The following NALF1 variants were observed in gnomAD, a reference collection of about 807,000 sequenced individuals.
The protein encoded by NALF1 is family with sequence similarity 155 member A.
In NALF1, 3 loss-of-function variants were observed where a neutral mutation model predicts 48.4. The ratio of observed to expected loss-of-function variants is 0.06; its 90% CI spans 0.03 to 0.16. The LOEUF (loss-of-function observed/expected upper bound fraction) is 0.16. Ranked by LOEUF, NALF1 falls within the 10% of genes least tolerant of loss-of-function variation. The pLI is 1.00. For synonymous variants in NALF1, 262 were observed against 245.7 expected (o/e 1.07, Z -0.62); for missense variants, 526 against 571.5 (o/e 0.92, Z 0.81).
chr13:107,564,869 C>A (rs769051118), intron 1 of NALF1, among the ~76,000 whole-genome samples: 3 of 151,878 alleles, frequency 2.0e-5, no homozygotes, highest in Non-Finnish European at 4.4e-5. Flanking sequence ...GGACCTCAGC[C>A]CAAATTCCCC....
intron 1 of NALF1, among the ~76,000 whole-genome samples, chr13:107,330,955 A>T (rs1175412912): frequency 6.6e-6 from 1 of 152,188 alleles, no homozygotes; most frequent in Admixed American, 6.5e-5. Context: ...ATGACTTTTT[A>T]AAATAGTTGA....
chr13:107,379,252 G>C (rs1351553854), intron 1 of NALF1, among the ~76,000 whole-genome samples: 1 of 152,108 alleles, frequency 6.6e-6, no homozygotes, highest in South Asian at 2.1e-4. Flanking sequence ...GTTGTAGGCT[G>C]TTAATTAATT....
intron 2 of NALF1, among the ~76,000 whole-genome samples, chr13:107,195,865 A>G (rs1004328015): frequency 4.6e-5 from 7 of 152,198 alleles, no homozygotes; most frequent in African/African-American, 1.7e-4. Context: ...TCTCCCTAGA[A>G]CAGCAAGTCT....
intron 1 of NALF1, among the ~76,000 whole-genome samples, chr13:107,759,725 G>C (rs759996896): frequency 6.6e-6 from 1 of 150,894 alleles, no homozygotes; most frequent in Non-Finnish European, 1.5e-5. Flanking sequence ...CATCCTCTCT[G>C]TTTGGAGCCT....
rs1360141646 is a variant in NALF1 at position 107,167,149 on chromosome 13, C to T, written c.*3348G>A. ...AGAATAATAAACAGGGAAATCTATG[C>T]CATACATTTATGAAACAAATATTGT... On this transcript the variant is annotated 3_prime_UTR_variant, in exon 3 of 3. Coordinates refer to ENST00000375915, the MANE Select transcript of NALF1 (RefSeq NM_001080396.3). The T allele has an allele frequency of 6.6e-6, 1 of 152,096 alleles. No individual in the cohort carries two copies. The highest frequency in any genetic ancestry group is 1.5e-5 in the Non-Finnish European group (1 of 68,016). The allele number at this position is 152,096 out of a possible 1,614,324, so 9.4% of individuals were successfully genotyped here.
rs886742890 is a variant in NALF1, at chr13:107,361,359, G to A, written c.916-150604C>T. On this transcript the variant is annotated intron_variant, in intron 1 of 2. Transcript: ENST00000375915. ...TGGCTCAGGAAATAGTAAGTAACAG[G>A]TAACTGGAAATTTGGCTCTGTTGCT... 3.9e-5 allele frequency among the ~76,000 whole-genome samples: 6 copies of A among 152,146 alleles called. No homozygotes were observed. The East Asian group carries it at 1.2e-3, about 29-fold the overall frequency.
chr13:107,778,482 G>C (rs976191635), intron 1 of NALF1, among the ~76,000 whole-genome samples: 1 of 152,176 alleles, frequency 6.6e-6, no homozygotes. Flanking sequence ...AGACCTGTAT[G>C]TGGAACTGGA....
chr13:107,175,008 C>G (rs934895537), intron 2 of NALF1, among the ~76,000 whole-genome samples: 1 of 144,630 alleles, frequency 6.9e-6, no homozygotes, highest in Non-Finnish European at 1.5e-5. Flanking sequence ...CTCAGCCTCC[C>G]GAGTAGCTGG....
Position 107,779,716 on chromosome 13 carries a change from GTTAA to G in NALF1, c.915+85962_915+85965del, listed in dbSNP as rs1186593576. On this transcript the variant is annotated intron_variant, in intron 1 of 2. Coordinates refer to ENST00000375915, the MANE Select transcript of NALF1 (RefSeq NM_001080396.3). ...CTGAGATCTCTACACAGTTGGATGA[GTTAA>G]TTAATACTTTGAAGTTTCCCATTGA... Among the ~76,000 whole-genome samples, 15 of 152,328 alleles carry G rather than the reference GTTAA, an allele frequency of 9.8e-5. No individual in the cohort carries two copies. In the South Asian group the frequency reaches 2.9e-3, roughly 29 times the overall value.
chr13:107,799,743 A>C (rs914747395), intron 1 of NALF1, among the ~76,000 whole-genome samples: 1 of 152,204 alleles, frequency 6.6e-6, no homozygotes, highest in Non-Finnish European at 1.5e-5. Context: ...AAGTGTGTTA[A>C]GATTAGGTCA....
At chr13:107,421,260 T>TGGAAAGC (rs1198551287) in intron 1 of NALF1, among the ~76,000 whole-genome samples, 6 of 152,156 alleles carry the variant, frequency 3.9e-5, no homozygotes, top group African/African-American at 1.4e-4. Context: ...CCAGATTTGT[T>TGGAAAGC]CTGCACTTTC....
At chr13:107,508,880 C>T (rs186327100) in intron 1 of NALF1, among the ~76,000 whole-genome samples, 6 of 152,034 alleles carry the variant, frequency 3.9e-5, no homozygotes, top group African/African-American at 1.2e-4. Context: ...GAAAATACTA[C>T]GCTTTCCCTG....
rs1884691138 is a variant in NALF1, at chr13:107,448,730, G to T, written c.916-237975C>A. ...CACGCACCCATATTTGTATATAGAAGTAGCCTTGGAATTGCCTTTGAAAGT... is the reference window on the plus strand; with the variant it reads ...CACGCACCCATATTTGTATATAGAATTAGCCTTGGAATTGCCTTTGAAAGT... On this transcript the variant is annotated intron_variant, in intron 1 of 2. Transcript: ENST00000375915. Among the ~76,000 whole-genome samples the T allele has an allele frequency of 2.6e-5, 4 of 152,286 alleles. No homozygotes were observed. The South Asian group carries it at 6.2e-4, about 24-fold the overall frequency.
chr13:107,385,370 C>T (rs112314526), intron 1 of NALF1, among the ~76,000 whole-genome samples: 3,748 of 151,828 alleles, frequency 0.025, 150 homozygotes, highest in African/African-American at 0.086. Flanking sequence ...CTGGCCAACA[C>T]GGCAAAACTC....
intron 1 of NALF1, among the ~76,000 whole-genome samples, chr13:107,730,226 C>T (rs1313480145): frequency 6.6e-6 from 1 of 152,180 alleles, no homozygotes; most frequent in Admixed American, 6.5e-5. Context: ...AAAGTGATTT[C>T]TTTTCCCAGA....
At chr13:107,859,914 C>CAAAAAAAAAAAAAAAAAAAAAAAAAAA (rs778833499) in intron 1 of NALF1, among the ~76,000 whole-genome samples, 1 of 66,494 alleles carries the variant, frequency 1.5e-5, no homozygotes, top group African/African-American at 6.1e-5. Flanking sequence ...AACTCCAACT[C>CAAAAAAAAAAAAAAAAAAAAAAAAAAA]AAAAAAAAAA....
chr13:107,443,398 G>A (rs1158174348), intron 1 of NALF1, among the ~76,000 whole-genome samples: 1 of 152,064 alleles, frequency 6.6e-6, no homozygotes, highest in Admixed American at 6.6e-5. Flanking sequence ...TGTATTTTTA[G>A]TAGAGGCAGA....
chr13:107,258,556 CTG>C (rs1248198620), intron 1 of NALF1, among the ~76,000 whole-genome samples: 1 of 152,146 alleles, frequency 6.6e-6, no homozygotes, highest in Non-Finnish European at 1.5e-5. Context: ...CACAACCTAA[CTG>C]TGTAAATACA....
At chr13:107,718,326 C>T (rs974943740) in intron 1 of NALF1, among the ~76,000 whole-genome samples, 5 of 152,264 alleles carry the variant, frequency 3.3e-5, no homozygotes, top group East Asian at 1.9e-4. Flanking sequence ...TCAGAATCCT[C>T]GTCATACCAT....
Sources: allele counts gnomAD v4.1 joint callset (sites outside exome capture counted in the v4.1 genomes callset), GRCh38; gene constraint gnomAD v4.1.1; transcripts MANE v1.5; gene names NCBI Gene and HGNC (gene_info 2026-07-23, HGNC 2026-07-21).